SLC16A7: variants seen among roughly 807,000 people sequenced by gnomAD.
SLC16A7 encodes the protein solute carrier family 16 member 7.
A neutral mutation model predicts 34.9 loss-of-function variants in SLC16A7; 33 were observed. The ratio of observed to expected loss-of-function variants is 0.94; its 90% CI spans 0.72 to 1.26. SLC16A7 has a LOEUF of 1.26. Ranked by LOEUF, SLC16A7 falls within the 50% of genes most tolerant of loss-of-function variation. SLC16A7 has a pLI of 0.00. For missense variants in SLC16A7, 573 were observed against 578.1 expected (o/e 0.99, Z 0.09); for synonymous variants, 201 against 206.6 (o/e 0.97, Z 0.23).
chr12:59,634,324 G>T lies in SLC16A7; in HGVS notation c.-129-20828G>T, dbSNP rs1381191892. On this transcript the variant is annotated intron_variant, in intron 1 of 5. Transcript: ENST00000547379. ...TTTAAATGTTGTTTATTTTGTTAAAGAAAAAAAATTATTCAATATTACTTG... is the reference window on the plus strand; with the variant it reads ...TTTAAATGTTGTTTATTTTGTTAAATAAAAAAAATTATTCAATATTACTTG... Among the ~76,000 whole-genome samples, 5 of 151,818 alleles carry T rather than the reference G, an allele frequency of 3.3e-5. No homozygotes were observed. The East Asian group carries it at 9.7e-4, about 29-fold the overall frequency.
intron 3 of SLC16A7, among the ~76,000 whole-genome samples, chr12:59,765,942 A>T (rs547773714): frequency 0.012 from 1,841 of 152,094 alleles, 40 homozygotes; most frequent in African/African-American, 0.041. Flanking sequence ...CATTTTCATG[A>T]TATTGATTCT....
At chr12:59,710,003 A>C (rs1874040836) in intron 3 of SLC16A7, among the ~76,000 whole-genome samples, 1 of 151,680 alleles carries the variant, frequency 6.6e-6, no homozygotes, top group South Asian at 2.1e-4. Context: ...CATTACAAAC[A>C]TGAGGGCTTG....
intron 3 of SLC16A7, among the ~76,000 whole-genome samples, chr12:59,755,760 C>A (rs576127377): frequency 1.3e-5 from 2 of 152,194 alleles, no homozygotes; most frequent in South Asian, 2.1e-4. Context: ...AAGCTACTTT[C>A]AAGTTCATAT....
rs186610878 is a variant in SLC16A7, at chr12:59,660,235, G to A, written c.-31+4985G>A. Among the ~76,000 whole-genome samples the A allele has an allele frequency of 1.7e-3, 259 of 152,002 alleles. 2 individuals are homozygous for A. The highest frequency in any genetic ancestry group is 6.1e-3 in the African/African-American group (254 of 41,468). ...TGCTCCCAGGGGAATGAAGCCTAGT[G>A]AACAGGCTGAGGCCTTTCACAATGC... On this transcript the variant is annotated intron_variant, in intron 2 of 5. Coordinates refer to ENST00000547379, the MANE Select transcript of SLC16A7 (RefSeq NM_001270623.2).
chr12:59,705,015 G>C lies in SLC16A7; in HGVS notation c.214G>C (p.Gly72Arg), dbSNP rs779685910. The change falls in exon 3 of 6, where the codon GGA (glycine) becomes CGA (arginine). Residue 72 changes from glycine (G) to arginine (R), a missense_variant. Coordinates refer to ENST00000547379, the MANE Select transcript of SLC16A7 (RefSeq NM_001270623.2). Reference protein sequence around the residue: ...SSIMLAVMYAGGPVSSVLVNK... With the variant: ...SSIMLAVMYARGPVSSVLVNK... ...CATTATGCTGGCTGTTATGTACGCA[G>C]GAGGTAAGCTTCTTGCAATAAATAG... is the stretch of plus-strand genomic sequence containing the variant. The C allele has an allele frequency of 6.3e-7, 1 of 1,595,126 alleles. No individual in the cohort carries two copies. Among genetic ancestry groups the C allele is most frequent in the Non-Finnish European group, 8.6e-7 (1 of 1,163,158 alleles).
At chr12:59,621,401 C>T (rs1879690766) in intron 1 of SLC16A7, among the ~76,000 whole-genome samples, 1 of 151,904 alleles carries the variant, frequency 6.6e-6, no homozygotes, top group African/African-American at 2.4e-5. Flanking sequence ...CCATCATTCA[C>T]TCTCCATCCA....
At chr12:59,617,515 C>G (rs542752306) in intron 1 of SLC16A7, among the ~76,000 whole-genome samples, 1 of 151,950 alleles carries the variant, frequency 6.6e-6, no homozygotes, top group Non-Finnish European at 1.5e-5. Context: ...TTATAATGCC[C>G]TGTACATACC....
intron 1 of SLC16A7, among the ~76,000 whole-genome samples, chr12:59,632,521 G>T (rs931371296): frequency 6.6e-6 from 1 of 151,806 alleles, no homozygotes; most frequent in Non-Finnish European, 1.5e-5. Flanking sequence ...ATTCTTTGGG[G>T]CTCATAAATT....
intron 3 of SLC16A7, among the ~76,000 whole-genome samples, chr12:59,751,460 C>A (rs1033612920): frequency 3.3e-5 from 5 of 152,244 alleles, no homozygotes; most frequent in African/African-American, 1.2e-4. Flanking sequence ...TATCCTGCAC[C>A]TGGCTCGTAG....
At chr12:59,644,154 G>A (rs982321) in intron 1 of SLC16A7, among the ~76,000 whole-genome samples, 1 of 149,496 alleles carries the variant, frequency 6.7e-6, no homozygotes, top group Admixed American at 6.6e-5. Context: ...ACTTAGTAAA[G>A]GTGGGTGGTC....
At chr12:59,623,388 T>C (rs1268488654) in intron 1 of SLC16A7, among the ~76,000 whole-genome samples, 4 of 151,760 alleles carry the variant, frequency 2.6e-5, no homozygotes, top group African/African-American at 9.7e-5. Context: ...TTGGGGAGAA[T>C]TGGCATTTTT....
chr12:59,785,536 T>C lies in SLC16A7; in HGVS notation c.*5857T>C, dbSNP rs1172956633. On this transcript the variant is annotated 3_prime_UTR_variant, in exon 6 of 6. Coordinates refer to ENST00000547379, the MANE Select transcript of SLC16A7 (RefSeq NM_001270623.2). The stretch of plus-strand genomic sequence containing the variant: ...TCATCATCTCCTAAATGTTTTCCTT[T>C]CTATGTTTTTATAATATCTAGGTAA... 2.6e-5 allele frequency: 4 copies of C among 152,186 alleles called. No individual in the cohort carries two copies. Among genetic ancestry groups the C allele is most frequent in the Admixed American group, 6.5e-5 (1 of 15,268 alleles). The allele number at this position is 152,186 out of a possible 1,614,324, so 9.4% of individuals were successfully genotyped here.
chr12:59,597,868 TC>T (rs1283850027), intron 1 of SLC16A7, among the ~76,000 whole-genome samples: 3 of 152,198 alleles, frequency 2.0e-5, no homozygotes, highest in African/African-American at 4.8e-5. Flanking sequence ...ATTACTTTTT[TC>T]CCCCCAAGGC....
intron 4 of SLC16A7, among the ~76,000 whole-genome samples, chr12:59,772,437 T>A (rs769637939): frequency 2.0e-5 from 3 of 152,152 alleles, no homozygotes; most frequent in Non-Finnish European, 4.4e-5. Context: ...AGGGAAAAGA[T>A]GATTTTGTTA....
At chr12:59,747,968 C>T (rs957544449) in intron 3 of SLC16A7, among the ~76,000 whole-genome samples, 1 of 152,060 alleles carries the variant, frequency 6.6e-6, no homozygotes. Flanking sequence ...TTTGGGAGGC[C>T]GAGGAGGGCA....
chr12:59,615,019 A>T (rs969002549), intron 1 of SLC16A7, among the ~76,000 whole-genome samples: 18 of 150,740 alleles, frequency 1.2e-4, no homozygotes, highest in African/African-American at 2.4e-4. Context: ...TAAATAAATA[A>T]AAATAAATAA....
chr12:59,744,249 C>A (rs138748641), intron 3 of SLC16A7, among the ~76,000 whole-genome samples: 5 of 152,126 alleles, frequency 3.3e-5, no homozygotes, highest in African/African-American at 1.2e-4. Context: ...CATAACCCCC[C>A]ACCCAGCACC....
intron 3 of SLC16A7, among the ~76,000 whole-genome samples, chr12:59,744,243 A>AC (rs1014261576): frequency 6.6e-6 from 1 of 151,280 alleles, no homozygotes; most frequent in Admixed American, 6.6e-5. Flanking sequence ...ACCACCCATA[A>AC]CCCCCCACCC....
At chr12:59,700,233 G>A (rs1872724381) in intron 2 of SLC16A7, among the ~76,000 whole-genome samples, 1 of 151,576 alleles carries the variant, frequency 6.6e-6, no homozygotes, top group South Asian at 2.1e-4. Context: ...ACCTATCCTT[G>A]TTTTTCTACT....
Sources: gnomAD v4.1 joint callset for allele counts (sites outside exome capture counted in the v4.1 genomes callset) on GRCh38, gnomAD v4.1.1 for gene constraint, MANE v1.5 for transcripts, NCBI Gene and HGNC (gene_info 2026-07-23, HGNC 2026-07-21) for gene names.